The following TRPC4 variants were observed in gnomAD, a reference collection of about 807,000 sequenced individuals.
TRPC4 encodes the protein transient receptor potential cation channel subfamily C member 4.
Under a neutral mutation model 99.4 loss-of-function variants are expected in TRPC4, and 49 were observed. That is an observed-to-expected ratio of 0.49 (90% CI 0.39 to 0.63). The LOEUF is 0.63. Ranked by LOEUF, TRPC4 falls within the 20% of genes least tolerant of loss-of-function variation. The probability of loss-of-function intolerance (pLI) is 0.00; values close to 1 mark genes in which losing one functional copy is unlikely to be tolerated. For missense variants in TRPC4, 898 were observed against 1,152.9 expected, an observed-to-expected ratio of 0.78 and a Z score of 3.20; for synonymous variants, 454 against 425.9, an observed-to-expected ratio of 1.07 and a Z score of -0.81.
intron 1 of TRPC4, among the ~76,000 whole-genome samples, chr13:37,803,411 T>A (rs1566182497): frequency 6.6e-6 from 1 of 151,636 alleles, no homozygotes; most frequent in Non-Finnish European, 1.5e-5. Flanking sequence ...AGAGACACAT[T>A]ATTTTTTTTC....
In TRPC4 at chr13:37,651,253, C is replaced by T; in HGVS notation, c.2079+12G>A. ...TTAAAAAAAGAGTAATACTAACATGCTGTGTTCTTACCCCTATTGTTCCAA... is the reference window on the plus strand; with the variant it reads ...TTAAAAAAAGAGTAATACTAACATGTTGTGTTCTTACCCCTATTGTTCCAA... On this transcript the variant is annotated intron_variant, in intron 8 of 10. Transcript: ENST00000379705. 1 of 1,613,816 alleles carries T rather than the reference C, an allele frequency of 6.2e-7. No individual in the cohort carries two copies. Among genetic ancestry groups the T allele is most frequent in the Non-Finnish European group, 8.5e-7 (1 of 1,179,774 alleles).
At chr13:37,816,149 C>T (rs76271564) in intron 1 of TRPC4, among the ~76,000 whole-genome samples, 3,396 of 151,554 alleles carry the variant, frequency 0.022, 115 homozygotes, top group African/African-American at 0.078. Context: ...CACATCAAAA[C>T]GTTAGAAATA....
chr13:37,866,633 C>G (rs185195117), intron 1 of TRPC4, among the ~76,000 whole-genome samples: 1 of 151,522 alleles, frequency 6.6e-6, no homozygotes, highest in African/African-American at 2.4e-5. Flanking sequence ...TATATTTGTG[C>G]TGATTAAAAA....
Position 37,687,902 on chromosome 13 carries a change from G to A in TRPC4, c.1234+4097C>T, listed in dbSNP as rs115282727. Among the ~76,000 whole-genome samples the A allele has an allele frequency of 9.0e-3, 1,369 of 152,290 alleles. 32 individuals are homozygous for A. The highest frequency in any genetic ancestry group is 0.032 in the African/African-American group (1,318 of 41,568). ...TCTAGTTTAAGTGGGTAATTTGACA[G>A]CCTGAGAAGGATATTGGTGTCCATC... is the stretch of plus-strand genomic sequence containing the variant. On this transcript the variant is annotated intron_variant, in intron 4 of 10. Coordinates refer to ENST00000379705, the MANE Select transcript of TRPC4 (RefSeq NM_016179.4).
intron 3 of TRPC4, among the ~76,000 whole-genome samples, chr13:37,736,410 T>A (rs1201818098): frequency 6.6e-6 from 1 of 152,172 alleles, no homozygotes; most frequent in African/African-American, 2.4e-5. Flanking sequence ...TTTCTACAGA[T>A]TTCACAATTC....
intron 2 of TRPC4, among the ~76,000 whole-genome samples, chr13:37,770,432 G>A (rs1279036097): frequency 6.6e-6 from 1 of 151,558 alleles, no homozygotes; most frequent in African/African-American, 2.4e-5. Flanking sequence ...GAATCAGGCA[G>A]ACTAAGTTGG....
intron 1 of TRPC4, among the ~76,000 whole-genome samples, chr13:37,849,265 T>C (rs137884279): frequency 4.1e-4 from 63 of 152,082 alleles, no homozygotes; most frequent in Non-Finnish European, 8.1e-4. Context: ...CATCAAATAC[T>C]ACTGAGCAAT....
chr13:37,654,035 A>AT (rs768297181), intron 7 of TRPC4, among the ~76,000 whole-genome samples: 2 of 152,146 alleles, frequency 1.3e-5, no homozygotes, highest in Non-Finnish European at 2.9e-5. Flanking sequence ...TTCCAGAGGA[A>AT]TTTTTTATGC....
chr13:37,864,511 A>G (rs1199685692), intron 1 of TRPC4, among the ~76,000 whole-genome samples: 1 of 151,720 alleles, frequency 6.6e-6, no homozygotes, highest in African/African-American at 2.4e-5. Flanking sequence ...TTATATAAAA[A>G]TATGCTAAAA....
chr13:37,704,776 A>T (rs1289694248), intron 3 of TRPC4, among the ~76,000 whole-genome samples: 1 of 152,144 alleles, frequency 6.6e-6, no homozygotes, highest in Non-Finnish European at 1.5e-5. Context: ...TCTTGTGTTC[A>T]TCTCCTTATT....
intron 3 of TRPC4, among the ~76,000 whole-genome samples, chr13:37,723,712 C>T (rs1954947272): frequency 6.6e-6 from 1 of 152,034 alleles, no homozygotes. Flanking sequence ...CGATGCCCAG[C>T]TAATTTTTAA....
intron 3 of TRPC4, among the ~76,000 whole-genome samples, chr13:37,714,201 A>T (rs1318175965): frequency 6.6e-6 from 1 of 150,458 alleles, no homozygotes; most frequent in African/African-American, 2.5e-5. Context: ...ATCTTGGCTC[A>T]CTGCAACCTC....
chr13:37,805,360 T>G (rs1471701217), intron 1 of TRPC4, among the ~76,000 whole-genome samples: 1 of 152,036 alleles, frequency 6.6e-6, no homozygotes, highest in Non-Finnish European at 1.5e-5. Context: ...TCTTTACTGC[T>G]GTTTCCACAT....
chr13:37,854,591 A>G (rs930470642), intron 1 of TRPC4, among the ~76,000 whole-genome samples: 2 of 152,108 alleles, frequency 1.3e-5, no homozygotes, highest in African/African-American at 4.8e-5. Context: ...AAACAATAGA[A>G]AGTTAAAAAG....
chr13:37,694,218 C>G (rs1373615779), intron 3 of TRPC4, among the ~76,000 whole-genome samples: 1 of 151,956 alleles, frequency 6.6e-6, no homozygotes, highest in Non-Finnish European at 1.5e-5. Context: ...GCTGAAAAGT[C>G]TTGATAAAAG....
intron 1 of TRPC4, among the ~76,000 whole-genome samples, chr13:37,846,215 A>G (rs960282660): frequency 2.6e-5 from 4 of 152,188 alleles, no homozygotes; most frequent in Admixed American, 1.3e-4. Flanking sequence ...CTACTAATGA[A>G]TAATTAAAAT....
chr13:37,653,266 A>G (rs1952108887), intron 7 of TRPC4, among the ~76,000 whole-genome samples: 1 of 152,204 alleles, frequency 6.6e-6, no homozygotes, highest in African/African-American at 2.4e-5. Flanking sequence ...TAAATATTCA[A>G]TCAATTAACA....
At chr13:37,743,584 A>C (rs771205785) in intron 3 of TRPC4, among the ~76,000 whole-genome samples, 57 of 152,202 alleles carry the variant, frequency 3.7e-4, no homozygotes, top group Non-Finnish European at 6.8e-4. Flanking sequence ...AAGCTCTATG[A>C]GAGCAGAGAC....
At chr13:37,686,295 C>A (rs1010099439) in intron 4 of TRPC4, among the ~76,000 whole-genome samples, 1 of 151,752 alleles carries the variant, frequency 6.6e-6, no homozygotes, top group Non-Finnish European at 1.5e-5. Context: ...TATATACACA[C>A]GTGTGTATAT....
Sources: allele counts gnomAD v4.1 joint callset (sites outside exome capture counted in the v4.1 genomes callset), GRCh38; gene constraint gnomAD v4.1.1; transcripts MANE v1.5; gene names NCBI Gene and HGNC (gene_info 2026-07-23, HGNC 2026-07-21).